IL20RB: variants seen among roughly 807,000 people sequenced by gnomAD.
IL20RB encodes interleukin-20 receptor subunit beta.
In IL20RB, 21 loss-of-function variants were observed where a neutral mutation model predicts 33.3. The ratio of observed to expected loss-of-function variants is 0.63; its 90% CI spans 0.45 to 0.91. IL20RB has a LOEUF of 0.91. Ranked by LOEUF, IL20RB falls within the 40% of genes least tolerant of loss-of-function variation. The pLI is 0.00. For synonymous variants in IL20RB, 147 were observed against 146.8 expected (o/e 1.00, Z -0.01); for missense variants, 345 against 384.8 (o/e 0.90, Z 0.86).
At chr3:137,006,845 G>A (rs1279084720) in intron 6 of IL20RB, among the ~76,000 whole-genome samples, 1 of 152,238 alleles carries the variant, frequency 6.6e-6, no homozygotes, top group African/African-American at 2.4e-5. Context: ...TGGAGGAGAA[G>A]AGGTGTTCTG....
Position 136,989,399 on chromosome 3 carries a change from TG to T in IL20RB, c.407-41del, listed in dbSNP as rs574097189. 7.8e-4 allele frequency: 1,253 copies of T among 1,610,132 alleles called. 20 individuals are homozygous for T. In the South Asian group the frequency reaches 0.013, roughly 17 times the overall value. ...CATTGTGTTCCAGGGAAATCAACCC[TG>T]TCTGGGGCTGGCTTTGACTCTCCTG... On this transcript the variant is annotated intron_variant, in intron 3 of 6. Coordinates refer to ENST00000329582, the MANE Select transcript of IL20RB (RefSeq NM_144717.4).
rs763416984 is a variant in IL20RB at position 137,010,177 on chromosome 3, C to T, written c.890C>T (p.Thr297Met). Residue 297 changes from threonine to methionine, a missense_variant, in exon 7 of 7, where the codon ACG (threonine) becomes ATG (methionine). By Grantham distance (81) the Thr-to-Met change is moderately conservative (BLOSUM62 -1). Transcript: ENST00000329582. ...AGGGAGGAGGTGGATGCCTGTGCCA[C>T]GGCTGTGATGTCTCCTGAGGAACTC... The part of the protein sequence containing the change: ...CRREEVDACA[T>M]AVMSPEELLR... The T allele has an allele frequency of 2.9e-5, 47 of 1,607,772 alleles. No homozygotes were observed. The highest frequency in any genetic ancestry group is 1.6e-4 in the Middle Eastern group (1 of 6,074).
Position 136,972,328 on chromosome 3 carries a change from G to A in IL20RB, c.89-8138G>A, listed in dbSNP as rs542779795. Reference sequence around the variant, plus strand: ...TCCTTTGCTGTGCAGAAGCTTTTTAGTTTAATGCAGTCCCATTTGTCTCTG... The same window carrying A: ...TCCTTTGCTGTGCAGAAGCTTTTTAATTTAATGCAGTCCCATTTGTCTCTG... On this transcript the variant is annotated intron_variant, in intron 1 of 6. Transcript: ENST00000329582. Among the ~76,000 whole-genome samples the A allele has an allele frequency of 5.1e-4, 77 of 152,208 alleles. No individual in the cohort carries two copies. In the Middle Eastern group the frequency reaches 0.01, roughly 20 times the overall value.
intron 6 of IL20RB, among the ~76,000 whole-genome samples, chr3:137,009,265 A>G (rs1398231446): frequency 6.6e-6 from 1 of 152,234 alleles, no homozygotes; most frequent in Non-Finnish European, 1.5e-5. Flanking sequence ...AGATAACTGT[A>G]GAAGAACCTA....
intron 6 of IL20RB, among the ~76,000 whole-genome samples, chr3:137,003,074 G>T (rs1263608438): frequency 6.6e-6 from 1 of 152,130 alleles, no homozygotes; most frequent in Non-Finnish European, 1.5e-5. Context: ...AAGATCAGAT[G>T]GTTGTAGATG....
Position 136,980,588 on chromosome 3 carries a change from C to G in IL20RB, c.211C>G (p.Gln71Glu), listed in dbSNP as rs1340404280. Residue 71 changes from glutamine to glutamate, a missense_variant, in exon 2 of 7, where the codon CAG (glutamine) becomes GAG (glutamate). Transcript: ENST00000329582. ...AACAGTGTACTATTCTGTCGAATAC[C>G]AGGGGTGAGTTTTTTCTTTTAATAG... ...GETVYYSVEY[Q>E]GEYESLYTSH... The G allele has an allele frequency of 1.2e-6, 2 of 1,613,998 alleles. No homozygotes were observed. The highest frequency in any genetic ancestry group is 2.7e-5 in the African/African-American group (2 of 74,912).
chr3:136,982,407 T>A, intron 3 of IL20RB, 57 bp downstream of exon 3: 2 of 1,278,288 alleles, frequency 1.6e-6, no homozygotes, highest in African/African-American at 3.0e-5. Context: ...TTAGGAACCA[T>A]GTTCACCTAA....
intron 5 of IL20RB, among the ~76,000 whole-genome samples, chr3:136,995,199 G>A (rs1942101965): frequency 6.6e-6 from 1 of 152,164 alleles, no homozygotes; most frequent in South Asian, 2.1e-4. Flanking sequence ...TCTTCCCTGG[G>A]GCTTTCTGGA....
At chr3:136,995,609 T>C (rs1560075663) in intron 6 of IL20RB, 53 bp downstream of exon 6, 12 of 1,586,192 alleles carry the variant, frequency 7.6e-6, no homozygotes, top group South Asian at 1.1e-5. Flanking sequence ...AGATGTAGTT[T>C]GGGCCTTAGC....
intron 6 of IL20RB, among the ~76,000 whole-genome samples, chr3:136,999,385 T>A (rs1942196600): frequency 6.6e-6 from 1 of 152,142 alleles, no homozygotes. Flanking sequence ...CATGAGCCAC[T>A]GCACCTGGCC....
intron 1 of IL20RB, among the ~76,000 whole-genome samples, chr3:136,963,429 T>C (rs1002584906): frequency 6.6e-6 from 1 of 152,248 alleles, no homozygotes; most frequent in Non-Finnish European, 1.5e-5. Context: ...GATCCACTTG[T>C]TCTGTATCCT....
rs527725722 is a variant in IL20RB, at chr3:136,999,297, A to G, written c.825+3741A>G. On this transcript the variant is annotated intron_variant, in intron 6 of 6. Transcript: ENST00000329582. ...TTTTATGTAGAGACAGGGTCTTGCTATGTTGTCCAGGTTGGTCTTGAACTC... is the reference window on the plus strand; with the variant it reads ...TTTTATGTAGAGACAGGGTCTTGCTGTGTTGTCCAGGTTGGTCTTGAACTC... Among the ~76,000 whole-genome samples the G allele has an allele frequency of 7.9e-5, 12 of 152,162 alleles. No individual in the cohort carries two copies. The East Asian group carries it at 1.7e-3, about 22-fold the overall frequency.
chr3:136,970,249 AC>A (rs1380297617), intron 1 of IL20RB, among the ~76,000 whole-genome samples: 2 of 151,136 alleles, frequency 1.3e-5, no homozygotes, highest in Non-Finnish European at 3.0e-5. Context: ...TGAGACCACC[AC>A]CCCTGGCTAA....
In IL20RB at chr3:136,961,985, A is replaced by G. The variant is rs1941230473; in HGVS notation, c.88+3784A>G. ...ACAATTTGAATAATAAAATAACAAT[A>G]GTGTTGGACTTTACAGAATAAATTA... On this transcript the variant is annotated intron_variant, in intron 1 of 6. Coordinates refer to ENST00000329582, the MANE Select transcript of IL20RB (RefSeq NM_144717.4). Among the ~76,000 whole-genome samples the G allele has an allele frequency of 2.6e-5, 4 of 152,378 alleles. No individual in the cohort carries two copies. The South Asian group carries it at 6.2e-4, about 24-fold the overall frequency.
Position 137,003,034 on chromosome 3 carries a change from C to T in IL20RB, c.826-7079C>T, listed in dbSNP as rs549178350. ...CCATTTATTAAATAGGGAATCCTTT[C>T]CCCATTTCTTGTTTTTGTCAGGTTC... is the stretch of plus-strand genomic sequence containing the variant. On this transcript the variant is annotated intron_variant, in intron 6 of 6. Coordinates refer to ENST00000329582, the MANE Select transcript of IL20RB (RefSeq NM_144717.4). 1.2e-3 allele frequency among the ~76,000 whole-genome samples: 190 copies of T among 152,286 alleles called. 1 individual carries two copies. The highest frequency in any genetic ancestry group is 3.6e-3 in the African/African-American group (150 of 41,556).
intron 6 of IL20RB, among the ~76,000 whole-genome samples, chr3:136,996,997 G>A (rs1247618214): frequency 6.6e-6 from 1 of 151,928 alleles, no homozygotes; most frequent in Non-Finnish European, 1.5e-5. Flanking sequence ...TCGTGGTATT[G>A]TTCAGATCAT....
intron 6 of IL20RB, among the ~76,000 whole-genome samples, chr3:137,005,723 G>T (rs1942337103): frequency 6.6e-6 from 1 of 152,102 alleles, no homozygotes; most frequent in African/African-American, 2.4e-5. Flanking sequence ...TATCCAATTT[G>T]CCAGTCTGTG....
At chr3:137,002,303 C>A (rs1237032698) in intron 6 of IL20RB, among the ~76,000 whole-genome samples, 1 of 152,154 alleles carries the variant, frequency 6.6e-6, no homozygotes, top group Non-Finnish European at 1.5e-5. Context: ...AATGGGATTG[C>A]TGGGTCAAAT....
At chr3:136,989,995 G>T (rs1941998923) in intron 4 of IL20RB, among the ~76,000 whole-genome samples, 1 of 152,102 alleles carries the variant, frequency 6.6e-6, no homozygotes, top group Admixed American at 6.6e-5. Context: ...TTGGCAGGGT[G>T]AAGAGGTAGA....
Sources: gnomAD v4.1 joint callset for allele counts (sites outside exome capture counted in the v4.1 genomes callset) on GRCh38, gnomAD v4.1.1 for gene constraint, MANE v1.5 for transcripts, NCBI Gene and HGNC (gene_info 2026-07-23, HGNC 2026-07-21) for gene names.